COL5A3: variants seen among roughly 807,000 people sequenced by gnomAD.
COL5A3 encodes collagen alpha-3(V) chain.
COL5A3 carries 172 observed loss-of-function variants against 250.0 expected under a neutral mutation model. The ratio of observed to expected loss-of-function variants is 0.69; its 90% CI spans 0.61 to 0.78. The LOEUF is 0.78. Among genes scored for constraint, COL5A3 ranks in the 30% least tolerant of loss-of-function variants. The pLI, the probability that COL5A3 is intolerant of heterozygous loss-of-function variation, is 0.00. For missense variants in COL5A3, 2,340 were observed against 2,334.4 expected (o/e 1.00, Z -0.05); for synonymous variants, 937 against 900.4 (o/e 1.04, Z -0.73).
In COL5A3 at chr19:9,966,533, C is replaced by A; in HGVS notation, c.4669+3G>T. The A allele has an allele frequency of 6.5e-7, 1 of 1,541,584 alleles. No homozygotes were observed. The highest frequency in any genetic ancestry group is 8.7e-7 in the Non-Finnish European group (1 of 1,144,038). The stretch of plus-strand genomic sequence containing the variant: ...TCCAAGTGGCGGGGGGACCGGACCT[C>A]ACCATCAGGCAGGTGCGGGTGGTTG... On this transcript the variant is annotated splice_donor_region_variant and intron_variant, in intron 63 of 66. Transcript: ENST00000264828.
intron 1 of COL5A3, 102 bp downstream of exon 1, chr19:10,010,196 C>T (rs551818997): frequency 5.4e-5 from 45 of 830,892 alleles, no homozygotes; most frequent in Non-Finnish European, 6.3e-5. Context: ...GCGGCGCCCA[C>T]GCCCTTCCCC....
At chr19:9,997,267 G>A (rs905998717) in intron 11 of COL5A3, 104 bp downstream of exon 11, 4 of 841,384 alleles carry the variant, frequency 4.8e-6, no homozygotes, top group South Asian at 4.3e-5. Context: ...CCCCGGGATG[G>A]TGTTCCCGAG....
At chr19:9,972,776 C>G in intron 51 of COL5A3, 143 bp downstream of exon 51, 1 of 526,436 alleles carries the variant, frequency 1.9e-6, no homozygotes, top group Non-Finnish European at 3.3e-6. Flanking sequence ...ACGGAGGTTG[C>G]AGTGAGCTGA....
At chr19:9,991,220 C>A (rs750317225) in intron 24 of COL5A3, among the ~76,000 whole-genome samples, 2 of 152,074 alleles carry the variant, frequency 1.3e-5, no homozygotes, top group South Asian at 4.2e-4. Context: ...CCAGCCTGGG[C>A]GACAGAGTGA....
At chr19:10,005,307 G>A (rs1318373434) in intron 4 of COL5A3, among the ~76,000 whole-genome samples, 1 of 150,250 alleles carries the variant, frequency 6.7e-6, no homozygotes, top group Non-Finnish European at 1.5e-5. Context: ...CTGAGATCAA[G>A]CCACTGCACT....
intron 31 of COL5A3, among the ~76,000 whole-genome samples, chr19:9,983,641 G>A (rs926538385): frequency 4.8e-4 from 68 of 141,412 alleles, no homozygotes; most frequent in Non-Finnish European, 9.3e-4. Context: ...AAGAGAGAGA[G>A]AGAAAGAAAG....
chr19:9,971,445 T>G (rs1230570377), intron 51 of COL5A3, among the ~76,000 whole-genome samples, 187 bp from the exon 52 acceptor site: 1 of 152,184 alleles, frequency 6.6e-6, no homozygotes, highest in Non-Finnish European at 1.5e-5. Flanking sequence ...GAGCTAAGAA[T>G]GCCGCACGCA....
Position 9,991,493 on chromosome 19 carries a change from G to A in COL5A3, c.1992+117C>T, listed in dbSNP as rs1057061320. On this transcript the variant is annotated intron_variant, in intron 24 of 66. Coordinates refer to ENST00000264828, the MANE Select transcript of COL5A3 (RefSeq NM_015719.4). Reference sequence around the variant, plus strand: ...GTATCTCCGGGCTGGCTTAGGGAATGTTGCAGTCTATCACTATCCAGAGCT... The same window carrying A: ...GTATCTCCGGGCTGGCTTAGGGAATATTGCAGTCTATCACTATCCAGAGCT... 10 of 825,424 alleles carry A rather than the reference G, an allele frequency of 1.2e-5. No homozygotes were observed. The African/African-American group carries it at 1.6e-4, about 13-fold the overall frequency. 51.1% of individuals were successfully genotyped at this position (825,424 alleles called of 1,614,324 possible). A position where few individuals can be genotyped will look rare whatever the true frequency, so the allele number is the denominator to read the frequency against.
At chr19:9,993,891 A>C in intron 16 of COL5A3, 85 bp from the exon 17 acceptor site, 12 of 1,252,110 alleles carry the variant, frequency 9.6e-6, no homozygotes, top group South Asian at 2.6e-5. Flanking sequence ...CATCATCAAC[A>C]TCAAGATTTT....
chr19:9,980,403 A>C (rs1303715628), intron 35 of COL5A3, among the ~76,000 whole-genome samples: 1 of 151,914 alleles, frequency 6.6e-6, no homozygotes, highest in Non-Finnish European at 1.5e-5. Flanking sequence ...TTGCTCTGTC[A>C]CCCAAGCTGG....
At chr19:9,962,484 T>C (rs923837192) in intron 65 of COL5A3, among the ~76,000 whole-genome samples, 2 of 152,146 alleles carry the variant, frequency 1.3e-5, no homozygotes, top group African/African-American at 2.4e-5. Flanking sequence ...CTGGAACACT[T>C]GTCCTTGTCC....
chr19:9,995,660 A>T, intron 15 of COL5A3, 43 bp from the exon 16 acceptor site: 1 of 1,447,052 alleles, frequency 6.9e-7, no homozygotes, highest in South Asian at 1.2e-5. Context: ...AAATAAGAAG[A>T]AAGAGGGACT....
At chr19:9,965,150 C>CTTT (rs931756823) in intron 64 of COL5A3, among the ~76,000 whole-genome samples, 1 of 137,608 alleles carries the variant, frequency 7.3e-6, no homozygotes, top group African/African-American at 2.6e-5. Context: ...TTTTTCTTTT[C>CTTT]TTTTTCTTTT....
intron 5 of COL5A3, 68 bp from the exon 6 acceptor site, chr19:10,003,782 G>A: frequency 6.3e-7 from 1 of 1,592,752 alleles, no homozygotes; most frequent in Non-Finnish European, 8.6e-7. Flanking sequence ...CAGGTCACCT[G>A]GGGTGAGGCT....
chr19:9,986,814 A>C (rs1328817472), intron 27 of COL5A3, 56 bp from the exon 28 acceptor site: 2 of 1,592,254 alleles, frequency 1.3e-6, no homozygotes, highest in African/African-American at 2.7e-5. Flanking sequence ...GAAGTGACCC[A>C]GACTCAGTCC....
chr19:9,995,674 T>A, intron 15 of COL5A3, 57 bp from the exon 16 acceptor site: 1 of 1,360,242 alleles, frequency 7.4e-7, no homozygotes, highest in Non-Finnish European at 1.0e-6. Context: ...AGGGACTTAT[T>A]CTATTGTATT....
In COL5A3 at chr19:9,979,434, A is replaced by C. The variant is rs1244572981; in HGVS notation, c.2713-17T>G. 6.2e-7 allele frequency: 1 copy of C among 1,613,858 alleles called. No homozygotes were observed. Among genetic ancestry groups the C allele is most frequent in the Non-Finnish European group, 8.5e-7 (1 of 1,179,936 alleles). Reference sequence around the variant, plus strand: ...TTGGAAGCCCTAGAGAGAAAAATTAAATGTGGGGGCGGTGTTACATGGGGA... The same window carrying C: ...TTGGAAGCCCTAGAGAGAAAAATTACATGTGGGGGCGGTGTTACATGGGGA... On this transcript the variant is annotated splice_polypyrimidine_tract_variant and intron_variant, in intron 37 of 66. Transcript: ENST00000264828.
At chr19:9,970,813 C>T in intron 53 of COL5A3, 138 bp from the exon 54 acceptor site, 1 of 1,009,506 alleles carries the variant, frequency 9.9e-7, no homozygotes, top group Non-Finnish European at 1.4e-6. Flanking sequence ...CACCTACTCC[C>T]TCAAGCTGCT....
At chr19:10,008,595 G>A (rs949670773) in intron 1 of COL5A3, among the ~76,000 whole-genome samples, 6 of 152,162 alleles carry the variant, frequency 3.9e-5, no homozygotes, top group African/African-American at 1.2e-4. Flanking sequence ...CCAGGTGTGC[G>A]ATGTGTGTGC....
Sources: gnomAD v4.1 joint callset for allele counts (sites outside exome capture counted in the v4.1 genomes callset) on GRCh38, gnomAD v4.1.1 for gene constraint, MANE v1.5 for transcripts, NCBI Gene and HGNC (gene_info 2026-07-23, HGNC 2026-07-21) for gene names.